The following GRIK2 variants were observed in gnomAD, a reference collection of about 807,000 sequenced individuals.
GRIK2 encodes glutamate receptor ionotropic, kainate 2.
Under a neutral mutation model 100.3 loss-of-function variants are expected in GRIK2, and 32 were observed. The observed-to-expected ratio is 0.32, with a 90% confidence interval of 0.24 to 0.43. The LOEUF is 0.43. Ranked by LOEUF, GRIK2 falls within the 20% of genes least tolerant of loss-of-function variation. The pLI is 1.00. For synonymous variants in GRIK2, 417 were observed against 389.4 expected, an observed-to-expected ratio of 1.07 and a Z score of -0.83; for missense variants, 843 against 1,114.9, an observed-to-expected ratio of 0.76 and a Z score of 3.47.
chr6:101,539,808 C>T lies in GRIK2; in HGVS notation c.116-82141C>T, dbSNP rs760653054. ...AGGATTTTTTTTTAATTTTAACATACCAGAAATTTTACCTTCGAGCTCTGA... is the reference window on the plus strand; with the variant it reads ...AGGATTTTTTTTTAATTTTAACATATCAGAAATTTTACCTTCGAGCTCTGA... On this transcript the variant is annotated intron_variant, in intron 2 of 16. Transcript: ENST00000369134. 3.3e-5 allele frequency among the ~76,000 whole-genome samples: 5 copies of T among 151,488 alleles called. No homozygotes were observed. The South Asian group carries it at 8.3e-4, about 25-fold the overall frequency.
intron 2 of GRIK2, among the ~76,000 whole-genome samples, chr6:101,507,580 C>T (rs770169514): frequency 2.6e-5 from 4 of 151,980 alleles, no homozygotes; most frequent in Non-Finnish European, 4.4e-5. Flanking sequence ...GGTGGACATA[C>T]ATTTGAATAG....
chr6:101,805,832 G>A (rs1780969948), intron 9 of GRIK2, among the ~76,000 whole-genome samples: 1 of 151,962 alleles, frequency 6.6e-6, no homozygotes, highest in Non-Finnish European at 1.5e-5. Flanking sequence ...CAGGAAGGAA[G>A]TCTATGCTTC....
intron 14 of GRIK2, among the ~76,000 whole-genome samples, chr6:101,980,061 C>T (rs1793622507): frequency 1.3e-5 from 2 of 151,670 alleles, no homozygotes; most frequent in East Asian, 3.9e-4. Context: ...AACATTTTTT[C>T]GAAAGGATGC....
chr6:102,052,581 A>G (rs1012433557), intron 15 of GRIK2, among the ~76,000 whole-genome samples: 4 of 152,182 alleles, frequency 2.6e-5, no homozygotes, highest in Admixed American at 6.5e-5. Context: ...AATGGAGAAT[A>G]TAGTGTTTGA....
chr6:102,031,193 C>T, intron 14 of GRIK2, among the ~76,000 whole-genome samples: 1 of 148,772 alleles, frequency 6.7e-6, no homozygotes, highest in South Asian at 2.1e-4. Context: ...GTACTGTTTC[C>T]TTAGACTGAT....
At chr6:101,868,577 G>T (rs976043753) in intron 11 of GRIK2, among the ~76,000 whole-genome samples, 18 of 151,400 alleles carry the variant, frequency 1.2e-4, no homozygotes, top group Admixed American at 1.1e-3. Flanking sequence ...TAAAAAAGTG[G>T]CTTTTTTAAA....
chr6:101,898,467 A>G (rs565218724), intron 12 of GRIK2, among the ~76,000 whole-genome samples: 1 of 151,392 alleles, frequency 6.6e-6, no homozygotes, highest in Admixed American at 6.6e-5. Context: ...ACAGTAACAG[A>G]TAATTCCTTG....
chr6:101,980,409 A>G (rs898362086), intron 14 of GRIK2, among the ~76,000 whole-genome samples: 2 of 151,940 alleles, frequency 1.3e-5, no homozygotes, highest in Admixed American at 1.3e-4. Flanking sequence ...TTAGATTTAT[A>G]AAGTATTTTT....
intron 2 of GRIK2, among the ~76,000 whole-genome samples, chr6:101,555,814 A>G (rs1270423675): frequency 1.3e-5 from 2 of 152,204 alleles, no homozygotes; most frequent in Non-Finnish European, 2.9e-5. Context: ...GTAAATGCAA[A>G]TAAAAACATA....
intron 2 of GRIK2, among the ~76,000 whole-genome samples, chr6:101,518,368 T>A (rs1211388180): frequency 6.6e-6 from 1 of 152,108 alleles, no homozygotes; most frequent in East Asian, 1.9e-4. Context: ...GCATATATAA[T>A]TTTCTTTTTT....
intron 14 of GRIK2, among the ~76,000 whole-genome samples, chr6:102,018,021 T>C (rs1769211622): frequency 6.6e-6 from 1 of 152,184 alleles, no homozygotes; most frequent in African/African-American, 2.4e-5. Flanking sequence ...CATATCTGAC[T>C]CTTGTTCTGA....
At chr6:101,496,263 GA>G (rs1028942047) in intron 2 of GRIK2, among the ~76,000 whole-genome samples, 1 of 151,094 alleles carries the variant, frequency 6.6e-6, no homozygotes, top group African/African-American at 2.4e-5. Context: ...TTTTCCTAAA[GA>G]AAAAAAATAA....
chr6:101,451,548 A>G, intron 2 of GRIK2, among the ~76,000 whole-genome samples: 1 of 151,662 alleles, frequency 6.6e-6, no homozygotes, highest in East Asian at 1.9e-4. Context: ...AATTAACCAT[A>G]CAAAAGCCAC....
chr6:101,737,094 G>T (rs759612309), intron 7 of GRIK2, among the ~76,000 whole-genome samples: 1 of 151,980 alleles, frequency 6.6e-6, no homozygotes, highest in African/African-American at 2.4e-5. Context: ...GACCACCTCA[G>T]CCTTGATTTC....
chr6:101,571,466 T>A (rs1341884829), intron 2 of GRIK2, among the ~76,000 whole-genome samples: 1 of 152,170 alleles, frequency 6.6e-6, no homozygotes, highest in Non-Finnish European at 1.5e-5. Flanking sequence ...CATGTGTTTT[T>A]AATTCATATT....
At chr6:101,616,110 C>G (rs147342319) in intron 2 of GRIK2, among the ~76,000 whole-genome samples, 347 of 151,792 alleles carry the variant, frequency 2.3e-3, no homozygotes, top group Middle Eastern at 0.01. Flanking sequence ...ATCACTAATG[C>G]CTTCTCTTTT....
intron 7 of GRIK2, among the ~76,000 whole-genome samples, chr6:101,754,841 A>C (rs1046670696): frequency 3.3e-5 from 5 of 152,208 alleles, no homozygotes; most frequent in Non-Finnish European, 7.3e-5. Flanking sequence ...AGGAAATGAA[A>C]TGTTACTCGG....
chr6:101,510,523 T>G (rs398049076), intron 2 of GRIK2, among the ~76,000 whole-genome samples: 33,512 of 132,044 alleles, frequency 0.25, 4,437 homozygotes, highest in Middle Eastern at 0.3. Flanking sequence ...TTTTTTTTTT[T>G]TTTTTTTTTT....
chr6:101,489,441 C>G (rs1772993406), intron 2 of GRIK2, among the ~76,000 whole-genome samples: 1 of 145,780 alleles, frequency 6.9e-6, no homozygotes, highest in African/African-American at 2.6e-5. Context: ...CCTCCCCCCG[C>G]CCGCCCACAC....
Sources: gnomAD v4.1 joint callset for allele counts (sites outside exome capture counted in the v4.1 genomes callset) on GRCh38, gnomAD v4.1.1 for gene constraint, MANE v1.5 for transcripts, NCBI Gene and HGNC (gene_info 2026-07-23, HGNC 2026-07-21) for gene names.